Variants in TMEFF2 observed in about 807,000 individuals in gnomAD.
TMEFF2 encodes the protein transmembrane protein with EGF like and two follistatin like domains 2.
Under a neutral mutation model 53.8 loss-of-function variants are expected in TMEFF2, and 28 were observed. The ratio of observed to expected loss-of-function variants is 0.52; its 90% CI spans 0.39 to 0.71. TMEFF2 has a LOEUF of 0.71. Ranked by LOEUF, TMEFF2 falls within the 30% of genes least tolerant of loss-of-function variation. The pLI, the probability that TMEFF2 is intolerant of heterozygous loss-of-function variation, is 0.00. For missense variants in TMEFF2, 353 were observed against 455.2 expected (o/e 0.78, Z 2.04); for synonymous variants, 162 against 166.3 (o/e 0.97, Z 0.20).
chr2:192,108,576 T>A (rs2105952348), intron 4 of TMEFF2, among the ~76,000 whole-genome samples: 1 of 151,984 alleles, frequency 6.6e-6, no homozygotes, highest in East Asian at 1.9e-4. Flanking sequence ...AAATTAACAA[T>A]GAGAGGAACC....
At chr2:192,184,992 A>C (rs930547265) in intron 2 of TMEFF2, among the ~76,000 whole-genome samples, 1 of 151,950 alleles carries the variant, frequency 6.6e-6, no homozygotes, top group South Asian at 2.1e-4. Flanking sequence ...AGTCCTTGTA[A>C]ATTTCCAAAT....
At chr2:192,067,740 G>A (rs1325412630) in intron 4 of TMEFF2, among the ~76,000 whole-genome samples, 1 of 151,816 alleles carries the variant, frequency 6.6e-6, no homozygotes, top group Non-Finnish European at 1.5e-5. Flanking sequence ...AGACTTAATT[G>A]CCAATTGAGT....
chr2:192,125,374 T>C (rs1689652330), intron 4 of TMEFF2, among the ~76,000 whole-genome samples: 1 of 152,188 alleles, frequency 6.6e-6, no homozygotes, highest in Non-Finnish European at 1.5e-5. Context: ...AAAAATATAC[T>C]ATTTCATAAT....
At chr2:192,104,323 T>G (rs1051182000) in intron 4 of TMEFF2, among the ~76,000 whole-genome samples, 1 of 152,058 alleles carries the variant, frequency 6.6e-6, no homozygotes, top group South Asian at 2.1e-4. Flanking sequence ...ATATGGTGGG[T>G]GAAATTTTAG....
At chr2:191,955,698 C>T (rs999145802) in intron 8 of TMEFF2, among the ~76,000 whole-genome samples, 1 of 151,582 alleles carries the variant, frequency 6.6e-6, no homozygotes, top group African/African-American at 2.4e-5. Flanking sequence ...TTCTTTGTGT[C>T]TCTACTGAGT....
intron 7 of TMEFF2, among the ~76,000 whole-genome samples, chr2:191,966,142 A>G (rs1559064676): frequency 6.6e-6 from 1 of 152,226 alleles, no homozygotes; most frequent in Non-Finnish European, 1.5e-5. Context: ...TAAAAGCAGT[A>G]GAAAAGGAAT....
intron 4 of TMEFF2, among the ~76,000 whole-genome samples, chr2:192,091,675 G>A (rs920009296): frequency 2.0e-5 from 3 of 151,878 alleles, no homozygotes; most frequent in African/African-American, 7.3e-5. Flanking sequence ...TCACTTTATG[G>A]GCAGTAAGAT....
rs1160600074 is a variant in TMEFF2 at position 192,194,829 on chromosome 2, G to A, written c.-305C>T. 1.2e-5 allele frequency: 5 copies of A among 400,458 alleles called. No individual in the cohort carries two copies. Among genetic ancestry groups the A allele is most frequent in the Non-Finnish European group, 2.3e-5 (5 of 216,606 alleles). The allele number at this position is 400,458 out of a possible 1,614,324, so 24.8% of individuals were successfully genotyped here. The stretch of plus-strand genomic sequence containing the variant: ...AGCCGGAGGACAGGAGGAGACGGGA[G>A]TCCAGGGGCAGACGAGTGGAGCCCG... On this transcript the variant is annotated 5_prime_UTR_variant, in exon 1 of 10. Transcript: ENST00000272771. The surrounding 1 kb of genome is among the most constrained non-coding windows in gnomAD (Gnocchi z 4.2).
intron 5 of TMEFF2, among the ~76,000 whole-genome samples, chr2:192,050,549 G>A (rs1216984940): frequency 6.6e-6 from 1 of 150,996 alleles, no homozygotes; most frequent in Non-Finnish European, 1.5e-5. Context: ...CATATTAGAA[G>A]TGTCATTGTT....
chr2:192,065,636 A>G (rs966388779), intron 4 of TMEFF2, among the ~76,000 whole-genome samples: 11 of 151,734 alleles, frequency 7.2e-5, no homozygotes, highest in African/African-American at 2.2e-4. Flanking sequence ...AGTTCTTGAT[A>G]GGCTTATCTT....
chr2:192,063,775 A>G (rs753061285), intron 4 of TMEFF2, among the ~76,000 whole-genome samples: 1 of 151,778 alleles, frequency 6.6e-6, no homozygotes, highest in Non-Finnish European at 1.5e-5. Flanking sequence ...GTCTTCTTGA[A>G]TAAGTGATTC....
intron 4 of TMEFF2, among the ~76,000 whole-genome samples, chr2:192,070,118 TTTTG>T (rs1038556149): frequency 6.6e-6 from 1 of 150,954 alleles, no homozygotes; most frequent in African/African-American, 2.4e-5. Flanking sequence ...CCATTATTAT[TTTTG>T]TTTAATGCTT....
chr2:192,179,033 T>C (rs1691119733), intron 4 of TMEFF2: 2 of 22,736 alleles, frequency 8.8e-5, no homozygotes, highest in Admixed American at 7.9e-4. Context: ...ACTTTTAAAG[T>C]TTCTCTCTCT....
intron 4 of TMEFF2, among the ~76,000 whole-genome samples, chr2:192,142,534 G>A (rs563463091): frequency 7.2e-5 from 11 of 152,076 alleles, no homozygotes; most frequent in Admixed American, 2.6e-4. Context: ...ATGGAATTAC[G>A]GAATCCCATA....
intron 4 of TMEFF2, among the ~76,000 whole-genome samples, chr2:192,160,061 C>T (rs536691789): frequency 6.6e-6 from 1 of 152,260 alleles, no homozygotes; most frequent in Admixed American, 6.5e-5. Flanking sequence ...TGTGATATTA[C>T]TGCCTGGAAA....
intron 4 of TMEFF2, among the ~76,000 whole-genome samples, chr2:192,159,056 G>A (rs760287449): frequency 6.6e-6 from 1 of 152,064 alleles, no homozygotes; most frequent in African/African-American, 2.4e-5. Flanking sequence ...TCCTCCTCAA[G>A]GCCAAGAGAT....
At chr2:192,034,600 A>G (rs1018585417) in intron 5 of TMEFF2, 1 of 152,190 alleles carries the variant, frequency 6.6e-6, no homozygotes, top group African/African-American at 2.4e-5. Context: ...TCAGAACCCA[A>G]TCAAGCATTT....
intron 4 of TMEFF2, among the ~76,000 whole-genome samples, chr2:192,154,345 T>A (rs2106004015): frequency 6.6e-6 from 1 of 152,094 alleles, no homozygotes; most frequent in East Asian, 1.9e-4. Context: ...ACGCTCTGAT[T>A]GAGGATGTGG....
intron 4 of TMEFF2, among the ~76,000 whole-genome samples, chr2:192,075,029 C>T (rs1688375852): frequency 6.6e-6 from 1 of 151,242 alleles, no homozygotes; most frequent in Non-Finnish European, 1.5e-5. Context: ...CATTGTATCC[C>T]AAGAGCTCAA....
Sources: allele counts gnomAD v4.1 joint callset (sites outside exome capture counted in the v4.1 genomes callset), GRCh38; gene constraint gnomAD v4.1.1; non-coding constraint Gnocchi (gnomAD v3.1); transcripts MANE v1.5; gene names NCBI Gene and HGNC (gene_info 2026-07-23, HGNC 2026-07-21).